The following LDB2 variants were observed in gnomAD, a reference collection of about 807,000 sequenced individuals.
The protein encoded by LDB2 is LIM domain-binding protein 2.
A neutral mutation model predicts 44.3 loss-of-function variants in LDB2; 12 were observed. The ratio of observed to expected loss-of-function variants is 0.27; its 90% confidence interval spans 0.17 to 0.44. LDB2 has a LOEUF of 0.44. Among genes scored for constraint, LDB2 ranks in the 20% least tolerant of loss-of-function variants. LDB2 has a pLI of 1.00. For missense variants in LDB2, 344 were observed against 473.5 expected, an observed-to-expected ratio of 0.73 and a Z score of 2.54; for synonymous variants, 164 against 174.8, an observed-to-expected ratio of 0.94 and a Z score of 0.49.
chr4:16,884,351 T>C (rs1389435943), intron 1 of LDB2, among the ~76,000 whole-genome samples: 1 of 152,102 alleles, frequency 6.6e-6, no homozygotes, highest in African/African-American at 2.4e-5. Context: ...TAAATAATCA[T>C]GCTATCGTCC....
intron 5 of LDB2, among the ~76,000 whole-genome samples, chr4:16,529,934 G>A (rs546122769): frequency 6.6e-6 from 1 of 152,310 alleles, no homozygotes; most frequent in African/African-American, 2.4e-5. Flanking sequence ...GCCCTCTGGA[G>A]CAGTGAGAAG....
chr4:16,605,444 G>T (rs1578156108), intron 2 of LDB2, among the ~76,000 whole-genome samples: 1 of 152,016 alleles, frequency 6.6e-6, no homozygotes, highest in East Asian at 1.9e-4. Context: ...TAGTTTTTAA[G>T]TCACATTAGT....
At chr4:16,841,045 C>T (rs1300880686) in intron 1 of LDB2, among the ~76,000 whole-genome samples, 5 of 151,910 alleles carry the variant, frequency 3.3e-5, no homozygotes, top group Admixed American at 6.6e-5. Flanking sequence ...CTCATGCAAA[C>T]TCATAACCTG....
intron 2 of LDB2, among the ~76,000 whole-genome samples, chr4:16,636,972 A>C (rs921488115): frequency 6.6e-6 from 1 of 152,212 alleles, no homozygotes; most frequent in African/African-American, 2.4e-5. Flanking sequence ...AATTTTCCAG[A>C]TAGGACTCCA....
chr4:16,593,667 G>A (rs929418613), intron 3 of LDB2, among the ~76,000 whole-genome samples: 3 of 152,150 alleles, frequency 2.0e-5, no homozygotes, highest in Admixed American at 6.5e-5. Flanking sequence ...CCTTGGAGTC[G>A]CATCAGATGG....
At chr4:16,772,499 C>T (rs746269579) in intron 1 of LDB2, among the ~76,000 whole-genome samples, 8 of 152,162 alleles carry the variant, frequency 5.3e-5, no homozygotes, top group Non-Finnish European at 8.8e-5. Context: ...GCTGGCACAG[C>T]CCAGCTGATT....
intron 5 of LDB2, among the ~76,000 whole-genome samples, chr4:16,583,315 C>T (rs546481875): frequency 2.1e-4 from 32 of 152,276 alleles, no homozygotes; most frequent in South Asian, 2.1e-4. Context: ...CAAAACAGGA[C>T]GCATCAGTTT....
At chr4:16,880,441 C>G (rs938657912) in intron 1 of LDB2, among the ~76,000 whole-genome samples, 5 of 152,190 alleles carry the variant, frequency 3.3e-5, no homozygotes, top group African/African-American at 1.2e-4. Flanking sequence ...CATAGGCTCA[C>G]TCAGAAGGAG....
chr4:16,576,998 T>C (rs1404032627), intron 5 of LDB2, among the ~76,000 whole-genome samples: 2 of 152,210 alleles, frequency 1.3e-5, no homozygotes, highest in African/African-American at 2.4e-5. Flanking sequence ...ATCATTTCAA[T>C]TGATGCTGAA....
In LDB2 at chr4:16,717,187, A is replaced by AATAATAATGATG. The variant is rs56204510; in HGVS notation, c.235+41970_235+41971insCATCATTATTAT. 9.5e-4 allele frequency among the ~76,000 whole-genome samples: 140 copies of AATAATAATGATG among 146,932 alleles called. 1 individual carries two copies. Among genetic ancestry groups the AATAATAATGATG allele is most frequent in the African/African-American group, 3.0e-3 (120 of 40,426 alleles). ...TAATAATAATAATAATAATAATAAT[A>AATAATAATGATG]ATGATGATGAGGAGGACTACATTTA... On this transcript the variant is annotated intron_variant, in intron 2 of 7. Coordinates refer to ENST00000304523, the MANE Select transcript of LDB2 (RefSeq NM_001290.5).
chr4:16,552,265 G>T (rs549042874), intron 5 of LDB2, among the ~76,000 whole-genome samples: 1 of 152,068 alleles, frequency 6.6e-6, no homozygotes, highest in South Asian at 2.1e-4. Context: ...TTCAGATGGC[G>T]GTGACCCAGG....
intron 2 of LDB2, among the ~76,000 whole-genome samples, chr4:16,611,786 T>G (rs1388255432): frequency 6.6e-6 from 1 of 152,068 alleles, no homozygotes; most frequent in Non-Finnish European, 1.5e-5. Flanking sequence ...CACCCCACTG[T>G]CAGTATTAGA....
chr4:16,778,845 C>CA lies in LDB2; in HGVS notation c.133-19586dup, dbSNP rs542028355. Among the ~76,000 whole-genome samples the CA allele has an allele frequency of 2.1e-4, 32 of 152,252 alleles. 1 individual carries two copies. Among genetic ancestry groups the CA allele is most frequent in the African/African-American group, 5.3e-4 (22 of 41,558 alleles). Reference sequence around the variant, plus strand: ...CAAGATCACATAGACAAATATATAACAAAGTTAACCTAAGTTTCAATATCC... The same window carrying CA: ...CAAGATCACATAGACAAATATATAACAAAAGTTAACCTAAGTTTCAATATCC... On this transcript the variant is annotated intron_variant, in intron 1 of 7. Transcript: ENST00000304523.
At chr4:16,875,407 G>A (rs1194578201) in intron 1 of LDB2, among the ~76,000 whole-genome samples, 1 of 151,992 alleles carries the variant, frequency 6.6e-6, no homozygotes, top group Admixed American at 6.6e-5. Flanking sequence ...CGGACCAACT[G>A]AATCAAAGAG....
chr4:16,711,585 C>T (rs1755883714), intron 2 of LDB2, among the ~76,000 whole-genome samples: 1 of 152,198 alleles, frequency 6.6e-6, no homozygotes. Context: ...TCCCTGGATG[C>T]TGTGCATAGA....
At chr4:16,812,170 A>G (rs75489977) in intron 1 of LDB2, among the ~76,000 whole-genome samples, 2,679 of 152,266 alleles carry the variant, frequency 0.018, 73 homozygotes, top group African/African-American at 0.061. Flanking sequence ...TCTGGAGACA[A>G]TGACTGACAC....
chr4:16,583,906 A>G (rs1258565757), intron 5 of LDB2, among the ~76,000 whole-genome samples: 1 of 152,150 alleles, frequency 6.6e-6, no homozygotes, highest in East Asian at 1.9e-4. Context: ...GCCTGTGACT[A>G]CCAACTGAGG....
intron 2 of LDB2, among the ~76,000 whole-genome samples, chr4:16,700,454 C>T (rs1753193508): frequency 6.6e-6 from 1 of 152,130 alleles, no homozygotes; most frequent in Admixed American, 6.5e-5. Context: ...AAAACCCAGC[C>T]CCCCATTTCA....
At chr4:16,854,027 A>C (rs1327386128) in intron 1 of LDB2, among the ~76,000 whole-genome samples, 1 of 152,152 alleles carries the variant, frequency 6.6e-6, no homozygotes, top group African/African-American at 2.4e-5. Flanking sequence ...AGAATGTAAA[A>C]TAACAGATGT....
Sources: gnomAD v4.1 joint callset for allele counts (sites outside exome capture counted in the v4.1 genomes callset) on GRCh38, gnomAD v4.1.1 for gene constraint, MANE v1.5 for transcripts, NCBI Gene and HGNC (gene_info 2026-07-23, HGNC 2026-07-21) for gene names.